The following NCOA2 variants were observed in gnomAD, a reference collection of about 807,000 sequenced individuals.
NCOA2 encodes the protein class E basic helix-loop-helix protein 75.
Under a neutral mutation model 145.1 loss-of-function variants are expected in NCOA2, and 21 were observed. The observed-to-expected ratio is 0.14, with a 90% confidence interval of 0.10 to 0.21. NCOA2 has a LOEUF of 0.21. Among genes scored for constraint, NCOA2 ranks in the 10% least tolerant of loss-of-function variants. The pLI is 1.00. For missense variants in NCOA2, 1,472 were observed against 1,837.6 expected (o/e 0.80, Z 3.64); for synonymous variants, 619 against 637.5 (o/e 0.97, Z 0.44).
intron 8 of NCOA2, 57 bp from the exon 9 acceptor site, chr8:70,162,911 ATTT>A (rs10641831): frequency 1.0e-3 from 958 of 920,252 alleles, no homozygotes; most frequent in East Asian, 5.1e-3. Flanking sequence ...TATGGAAATA[ATTT>A]TTTTTTTTTT....
chr8:70,180,066 C>A (rs767832443), intron 4 of NCOA2, among the ~76,000 whole-genome samples: 4 of 152,218 alleles, frequency 2.6e-5, no homozygotes, highest in Non-Finnish European at 4.4e-5. Flanking sequence ...CAGGCATGAA[C>A]CACCATGCCC....
chr8:70,226,662 A>T (rs976365142), intron 2 of NCOA2, among the ~76,000 whole-genome samples: 4 of 9,380 alleles, frequency 4.3e-4, no homozygotes, highest in Admixed American at 2.5e-3. Context: ...TTAATTATTT[A>T]TATATATATA....
Position 70,157,155 on chromosome 8 carries a change from C to A in NCOA2, c.1210G>T (p.Ala404Ser). The change falls in exon 11 of 23, where the codon GCC becomes TCC. Residue 404 changes from alanine to serine, a missense_variant. Physicochemically the swap from Ala to Ser is moderately conservative, Grantham distance 99. Around this residue, in one of 4 missense-constraint regions of NCOA2, gnomAD observed 953 missense variants for 1,062.1 expected, o/e 0.90. Transcript: ENST00000452400. ...TTCCCACTGCACAGGGCCTGATGGG[C>A]AGGGCTGTTAGAGCTAATTGGATTC... ...PLNPISSNSP[A>S]HQALCSGNPG... 6.2e-7 allele frequency: 1 copy of A among 1,611,004 alleles called. No homozygotes were observed. The highest frequency in any genetic ancestry group is 1.3e-5 in the African/African-American group (1 of 75,010).
At chr8:70,145,161 T>A (rs371742821) in intron 12 of NCOA2, among the ~76,000 whole-genome samples, 56 of 145,030 alleles carry the variant, frequency 3.9e-4, no homozygotes, top group African/African-American at 1.5e-3. Context: ...TCTCTCTCTC[T>A]CTTTTTTTAT....
the NCOA2 span, among the ~76,000 whole-genome samples, chr8:70,418,831 T>A: frequency 6.6e-6 from 1 of 152,244 alleles, no homozygotes; most frequent in Non-Finnish European, 1.5e-5. Context: ...ACTCACTTTC[T>A]TTGGTGACCA....
chr8:70,300,616 A>C (rs988081622), intron 1 of NCOA2, among the ~76,000 whole-genome samples: 43 of 152,242 alleles, frequency 2.8e-4, no homozygotes, highest in African/African-American at 9.9e-4. Context: ...GCAGGGCGTG[A>C]GAGAGAACTG....
intron 1 of NCOA2, among the ~76,000 whole-genome samples, chr8:70,390,445 A>G (rs1173732334): frequency 6.6e-6 from 1 of 152,054 alleles, no homozygotes; most frequent in East Asian, 1.9e-4. Flanking sequence ...CTACTCTTAC[A>G]CCAAGGTTTT....
At chr8:70,292,544 C>T (rs184118407) in intron 2 of NCOA2, among the ~76,000 whole-genome samples, 3 of 134,994 alleles carry the variant, frequency 2.2e-5, no homozygotes, top group African/African-American at 8.3e-5. Flanking sequence ...AAGACTCCAT[C>T]TCAGGAAAAA....
intron 1 of NCOA2, among the ~76,000 whole-genome samples, chr8:70,353,864 A>T (rs1444939177): frequency 6.6e-6 from 1 of 152,170 alleles, no homozygotes; most frequent in Admixed American, 6.5e-5. Flanking sequence ...ACCTTTAGAT[A>T]TGTCTTATAA....
chr8:70,161,742 A>G (rs1471172716), intron 9 of NCOA2, among the ~76,000 whole-genome samples: 2 of 152,206 alleles, frequency 1.3e-5, no homozygotes, highest in East Asian at 3.8e-4. Context: ...CTGAGTTACA[A>G]GCTGCACTGC....
In NCOA2 at chr8:70,162,909, T is replaced by A. The variant is rs2958372; in HGVS notation, c.833-55A>T. The A allele has an allele frequency of 1.6e-3, 2,086 of 1,319,560 alleles. 14 individuals are homozygous for A. The highest frequency in any genetic ancestry group is 7.8e-3 in the Middle Eastern group (31 of 3,972). 81.7% of individuals were successfully genotyped at this position (1,319,560 alleles called of 1,614,324 possible). ...CATGTTGATCTATTCTTTATGGAAA[T>A]AATTTTTTTTTTTTTTTTTTTTTGA... On this transcript the variant is annotated intron_variant, in intron 8 of 22. Coordinates refer to ENST00000452400, the MANE Select transcript of NCOA2 (RefSeq NM_006540.4).
chr8:70,252,694 G>T (rs1339356794), intron 2 of NCOA2, among the ~76,000 whole-genome samples: 1 of 152,084 alleles, frequency 6.6e-6, no homozygotes, highest in Non-Finnish European at 1.5e-5. Flanking sequence ...TGGTATTAAG[G>T]TTTTTATGTC....
intron 1 of NCOA2, among the ~76,000 whole-genome samples, chr8:70,356,308 A>G (rs925509459): frequency 6.6e-6 from 1 of 152,150 alleles, no homozygotes. Flanking sequence ...GATACCAAAA[A>G]GAAAAAGAAA....
At chr8:70,185,946 A>G (rs1213964133) in intron 4 of NCOA2, among the ~76,000 whole-genome samples, 2 of 151,976 alleles carry the variant, frequency 1.3e-5, no homozygotes, top group African/African-American at 2.4e-5. Flanking sequence ...CCTTCTCTAC[A>G]TGTATGTTTA....
At chr8:70,429,878 T>C in the NCOA2 span, among the ~76,000 whole-genome samples, 3 of 152,198 alleles carry the variant, frequency 2.0e-5, no homozygotes, top group Non-Finnish European at 4.4e-5. Flanking sequence ...TTTTGTTTTG[T>C]TTTCTTTTTT....
chr8:70,173,135 G>C (rs1023657004), intron 5 of NCOA2, among the ~76,000 whole-genome samples: 6 of 152,180 alleles, frequency 3.9e-5, no homozygotes, highest in African/African-American at 1.4e-4. Flanking sequence ...TAAATTCTCA[G>C]AAGACTATTC....
chr8:70,118,588 T>A (rs1367531043), intron 22 of NCOA2, among the ~76,000 whole-genome samples: 1 of 152,198 alleles, frequency 6.6e-6, no homozygotes, highest in African/African-American at 2.4e-5. Context: ...ATGCTATTAC[T>A]TTCTCAACTT....
At chr8:70,259,719 G>GA (rs2135005315) in intron 2 of NCOA2, among the ~76,000 whole-genome samples, 1 of 152,156 alleles carries the variant, frequency 6.6e-6, no homozygotes, top group South Asian at 2.1e-4. Context: ...AACTTCAGTT[G>GA]AAAAAATATT....
chr8:70,371,773 CT>C (rs1444604211), intron 1 of NCOA2, among the ~76,000 whole-genome samples: 3 of 152,150 alleles, frequency 2.0e-5, no homozygotes, highest in Non-Finnish European at 4.4e-5. Context: ...TTAAAATACA[CT>C]TACAGCAACA....
Sources: gnomAD v4.1 joint callset for allele counts (sites outside exome capture counted in the v4.1 genomes callset) on GRCh38, gnomAD v4.1.1 for gene constraint, gnomAD v4.1.1 regional missense constraint, MANE v1.5 for transcripts, NCBI Gene and HGNC (gene_info 2026-07-23, HGNC 2026-07-21) for gene names.